CTTNBP2: variants seen among roughly 807,000 people sequenced by gnomAD.
The protein encoded by CTTNBP2 is cortactin-binding protein 2.
CTTNBP2 carries 108 observed loss-of-function variants against 156.9 expected under a neutral mutation model. That is an observed-to-expected ratio of 0.69 (90% CI 0.59 to 0.81). The LOEUF (loss-of-function observed/expected upper bound fraction) is 0.81, where lower values mean the gene tolerates loss of function less well. CTTNBP2 is among the 30% of genes least tolerant of loss of function. The pLI is 0.00. For missense variants in CTTNBP2, 1,924 were observed against 2,035.4 expected, an observed-to-expected ratio of 0.95 and a Z score of 1.05; for synonymous variants, 767 against 751.8, an observed-to-expected ratio of 1.02 and a Z score of -0.33.
chr7:117,741,520 A>C (rs1232716983), intron 14 of CTTNBP2, among the ~76,000 whole-genome samples: 1 of 152,232 alleles, frequency 6.6e-6, no homozygotes, highest in Admixed American at 6.5e-5. Context: ...TACTAACCCA[A>C]TTCCATACCT....
intron 2 of CTTNBP2, among the ~76,000 whole-genome samples, chr7:117,830,902 A>G (rs1043548115): frequency 6.6e-6 from 1 of 152,242 alleles, no homozygotes; most frequent in East Asian, 1.9e-4. Flanking sequence ...TGAATAGCCT[A>G]GACTACCAAA....
At chr7:117,857,916 G>T (rs1803437060) in intron 2 of CTTNBP2, among the ~76,000 whole-genome samples, 1 of 152,166 alleles carries the variant, frequency 6.6e-6, no homozygotes, top group African/African-American at 2.4e-5. Context: ...GACATACTGT[G>T]ACCAGTGAAT....
chr7:117,732,224 T>C lies in CTTNBP2; in HGVS notation c.3876+2689A>G, dbSNP rs561823620. Reference sequence around the variant, plus strand: ...AATGTGCACATTTTAAATAACACCATATAACACACATGACCTAAAGGGAGT... The same window carrying C: ...AATGTGCACATTTTAAATAACACCACATAACACACATGACCTAAAGGGAGT... On this transcript the variant is annotated intron_variant, in intron 16 of 22. Transcript: ENST00000160373. 2.0e-5 allele frequency among the ~76,000 whole-genome samples: 3 copies of C among 152,256 alleles called. No homozygotes were observed. In the East Asian group the frequency reaches 5.8e-4, roughly 29 times the overall value.
At position 117,791,533 on chromosome 7, in the gene CTTNBP2, T is replaced by C; in HGVS notation, c.1663A>G (p.Thr555Ala). The change falls in exon 4 of 23, where the codon ACT becomes GCT. Residue 555 changes from threonine (T) to alanine (A), a missense_variant. Physicochemically the swap from Thr to Ala is moderately conservative, Grantham distance 58. Coordinates refer to ENST00000160373, the MANE Select transcript of CTTNBP2 (RefSeq NM_033427.3). ...AGTTGGGGGTGTGGTGGAGAAGGAG[T>C]TTGGGAGAGCCCTGGCTTTTTTGGA... is the stretch of plus-strand genomic sequence containing the variant. ...IPPKKPGLSQ[T>A]PSPPHPQLKV... is the part of the protein sequence containing the mutation. 1 of 1,613,838 alleles carries C rather than the reference T, an allele frequency of 6.2e-7. No homozygotes were observed. The highest frequency in any genetic ancestry group is 8.5e-7 in the Non-Finnish European group (1 of 1,179,958).
At chr7:117,826,258 A>G (rs1348287568) in intron 2 of CTTNBP2, among the ~76,000 whole-genome samples, 2 of 152,182 alleles carry the variant, frequency 1.3e-5, no homozygotes, top group African/African-American at 2.4e-5. Flanking sequence ...ATGCATGAAC[A>G]TAACACTCCA....
chr7:117,780,363 T>G (rs1189097142), intron 7 of CTTNBP2, 78 bp downstream of exon 7: 27 of 973,200 alleles, frequency 2.8e-5, no homozygotes, highest in Non-Finnish European at 3.6e-5. Flanking sequence ...TTTAATTTAT[T>G]TTGTTTTTCT....
intron 1 of CTTNBP2, among the ~76,000 whole-genome samples, chr7:117,869,807 G>C (rs536044515): frequency 6.6e-6 from 1 of 151,364 alleles, no homozygotes; most frequent in East Asian, 1.9e-4. Context: ...AAAAAAAAAA[G>C]AGTGAAAAGC....
chr7:117,754,475 TAA>T (rs1245998078), intron 12 of CTTNBP2, among the ~76,000 whole-genome samples: 1 of 152,336 alleles, frequency 6.6e-6, no homozygotes, highest in East Asian at 1.9e-4. Flanking sequence ...CCTCAGTTTC[TAA>T]AACACCACCT....
intron 3 of CTTNBP2, among the ~76,000 whole-genome samples, chr7:117,799,505 A>G (rs1213697864): frequency 6.6e-6 from 1 of 152,058 alleles, no homozygotes; most frequent in Non-Finnish European, 1.5e-5. Flanking sequence ...TGAAACCTCA[A>G]ATGAGATAAA....
chr7:117,773,300 A>G (rs1358538064), intron 8 of CTTNBP2, among the ~76,000 whole-genome samples: 3 of 152,162 alleles, frequency 2.0e-5, no homozygotes, highest in African/African-American at 7.2e-5. Context: ...CCTCATGGAT[A>G]CCTCCTGGAG....
intron 2 of CTTNBP2, among the ~76,000 whole-genome samples, chr7:117,817,122 G>A (rs902227631): frequency 1.3e-5 from 2 of 150,914 alleles, no homozygotes; most frequent in African/African-American, 4.9e-5. Flanking sequence ...CACATCACGA[G>A]GTCAAGAGAT....
chr7:117,840,759 C>A (rs186625948), intron 2 of CTTNBP2, among the ~76,000 whole-genome samples: 2 of 152,280 alleles, frequency 1.3e-5, no homozygotes, highest in African/African-American at 4.8e-5. Context: ...AGCAGAAAAT[C>A]TGAATGGTGA....
At chr7:117,769,455 G>A (rs1314559371) in intron 8 of CTTNBP2, among the ~76,000 whole-genome samples, 2 of 152,154 alleles carry the variant, frequency 1.3e-5, no homozygotes, top group Admixed American at 1.3e-4. Flanking sequence ...TCCCTGGCTG[G>A]CCCTGTTCAG....
In CTTNBP2 at chr7:117,819,452, A is replaced by G. The variant is rs182231951; in HGVS notation, c.190-8463T>C. The stretch of plus-strand genomic sequence containing the variant: ...TGACTGCAGAGTGGAATAGCAATAT[A>G]AAAGTTACACAGTCATCTGGAGAAG... On this transcript the variant is annotated intron_variant, in intron 2 of 22. Transcript: ENST00000160373. 1.8e-4 allele frequency among the ~76,000 whole-genome samples: 27 copies of G among 151,948 alleles called. No homozygotes were observed. In the East Asian group the frequency reaches 4.3e-3, roughly 24 times the overall value.
intron 3 of CTTNBP2, among the ~76,000 whole-genome samples, chr7:117,808,959 T>A (rs972629762): frequency 6.6e-6 from 1 of 152,200 alleles, no homozygotes; most frequent in Non-Finnish European, 1.5e-5. Flanking sequence ...TAATATTTTT[T>A]AAGGACAAAA....
Position 117,800,911 on chromosome 7 carries a change from C to G in CTTNBP2, c.415-8130G>C, listed in dbSNP as rs1799573221. Among the ~76,000 whole-genome samples, 5 of 152,054 alleles carry G rather than the reference C, an allele frequency of 3.3e-5. No homozygotes were observed. In the South Asian group the frequency reaches 1.0e-3, roughly 31 times the overall value. On this transcript the variant is annotated intron_variant, in intron 3 of 22. Coordinates refer to ENST00000160373, the MANE Select transcript of CTTNBP2 (RefSeq NM_033427.3). ...GTGCTCCTGGAAGAAATACCTAATT[C>G]CAAGCATTGGATTAAAGAAAACACA...
In CTTNBP2 at chr7:117,810,957, C is replaced by T. The variant is rs368768466; in HGVS notation, c.222G>A (p.Arg74=). The T allele has an allele frequency of 5.4e-4, 879 of 1,613,960 alleles. 12 individuals carry two copies. In the South Asian group the frequency reaches 6.3e-3, roughly 12 times the overall value. The stretch of plus-strand genomic sequence containing the variant: ...GGTCATTTAGATTAAATCTCCCATA[C>T]CGTTCCTGGATAAATACCTCCTTCC... ...ARRKEVFIQE[R]YGRFNLNDPF... is the part of the protein sequence containing the mutation. The change falls in exon 3 of 23, where the codon CGG becomes CGA. Residue 74 remains arginine (R), a synonymous_variant. Coordinates refer to ENST00000160373, the MANE Select transcript of CTTNBP2 (RefSeq NM_033427.3).
At chr7:117,806,091 G>A (rs1429233904) in intron 3 of CTTNBP2, among the ~76,000 whole-genome samples, 3 of 152,106 alleles carry the variant, frequency 2.0e-5, no homozygotes. Flanking sequence ...TTCAAGCAGG[G>A]GCCGAGGGAA....
At chr7:117,755,648 A>T in intron 12 of CTTNBP2, 3 of 446,476 alleles carry the variant, frequency 6.7e-6, no homozygotes, top group South Asian at 4.9e-5. Flanking sequence ...AGCACTTGGC[A>T]TATTGCCTGG....
Sources: allele counts gnomAD v4.1 joint callset (sites outside exome capture counted in the v4.1 genomes callset), GRCh38; gene constraint gnomAD v4.1.1; transcripts MANE v1.5; gene names NCBI Gene and HGNC (gene_info 2026-07-23, HGNC 2026-07-21).